The following SCYL2 variants were observed in gnomAD, a reference collection of about 807,000 sequenced individuals.
SCYL2 encodes the protein SCY1-like protein 2.
Under a neutral mutation model 100.4 loss-of-function variants are expected in SCYL2, and 36 were observed. That is an observed-to-expected ratio of 0.36 (90% CI 0.27 to 0.47). The LOEUF is 0.47. SCYL2 is among the 20% of genes least tolerant of loss of function. The pLI is 1.00. For synonymous variants in SCYL2, 330 were observed against 359.2 expected (o/e 0.92, Z 0.92); for missense variants, 902 against 1,083.9 (o/e 0.83, Z 2.36).
rs200641346 is a variant in SCYL2, at chr12:100,276,695, C to CT, written c.-28-6239dup. ...ACTGATTTCATTGATCTTTTCAAAA[C>CT]TTTTTTTTTACTTCATTGGATTTTT... is the stretch of plus-strand genomic sequence containing the variant. On this transcript the variant is annotated intron_variant, in intron 1 of 17. Transcript: ENST00000360820. Among the ~76,000 whole-genome samples the CT allele has an allele frequency of 2.4e-3, 357 of 151,402 alleles. 2 individuals are homozygous for CT. Among genetic ancestry groups the CT allele is most frequent in the Non-Finnish European group, 4.0e-3 (268 of 67,788 alleles).
At chr12:100,300,007 T>G (rs1235972636) in intron 4 of SCYL2, among the ~76,000 whole-genome samples, 1 of 152,212 alleles carries the variant, frequency 6.6e-6, no homozygotes, top group Non-Finnish European at 1.5e-5. Context: ...TTTTTTCACA[T>G]CTTTGCCAAA....
In SCYL2 at chr12:100,312,440, T is replaced by C. The variant is rs1217053515; in HGVS notation, c.639T>C (p.Phe213=). The C allele has an allele frequency of 6.8e-6, 11 of 1,611,104 alleles. No individual in the cohort carries two copies. The highest frequency in any genetic ancestry group is 9.3e-6 in the Non-Finnish European group (11 of 1,178,818). ...STNPSEQEPK[F]PCKEWDPNLP... ...TCCTTTTCTTACTACAGCCTAAATTTCCTTGTAAAGAATGGGACCCAAATT... is the reference window on the plus strand; with the variant it reads ...TCCTTTTCTTACTACAGCCTAAATTCCCTTGTAAAGAATGGGACCCAAATT... The change falls in exon 6 of 18, where the codon TTT becomes TTC. Residue 213 remains phenylalanine (F), a synonymous_variant. Coordinates refer to ENST00000360820, the MANE Select transcript of SCYL2 (RefSeq NM_017988.6).
chr12:100,275,019 C>A (rs1367698584), intron 1 of SCYL2, among the ~76,000 whole-genome samples: 1 of 152,156 alleles, frequency 6.6e-6, no homozygotes, highest in Non-Finnish European at 1.5e-5. Flanking sequence ...TCTTCCAATT[C>A]ATGATCACAG....
intron 4 of SCYL2, among the ~76,000 whole-genome samples, chr12:100,303,780 G>A (rs531262154): frequency 2.3e-4 from 35 of 152,338 alleles, no homozygotes; most frequent in Non-Finnish European, 4.7e-4. Context: ...AGCAGAGCTC[G>A]AGTGCTGTGC....
At chr12:100,275,194 C>G (rs2096291304) in intron 1 of SCYL2, among the ~76,000 whole-genome samples, 1 of 151,640 alleles carries the variant, frequency 6.6e-6, no homozygotes, top group South Asian at 2.1e-4. Flanking sequence ...CATAGAAATG[C>G]AATTTCTTTT....
chr12:100,305,010 C>T (rs752522518), intron 4 of SCYL2, among the ~76,000 whole-genome samples: 1 of 152,230 alleles, frequency 6.6e-6, no homozygotes, highest in East Asian at 1.9e-4. Flanking sequence ...AAAGCAAGTC[C>T]TTAGAGACCT....
chr12:100,273,832 C>T (rs1461653096), intron 1 of SCYL2, among the ~76,000 whole-genome samples: 1 of 152,212 alleles, frequency 6.6e-6, no homozygotes, highest in Non-Finnish European at 1.5e-5. Flanking sequence ...AGGACTGAGT[C>T]TGCTATTGGA....
intron 10 of SCYL2, among the ~76,000 whole-genome samples, chr12:100,322,701 A>G (rs1342801675): frequency 6.6e-6 from 1 of 152,052 alleles, no homozygotes; most frequent in East Asian, 1.9e-4. Flanking sequence ...TCTACTAAAA[A>G]TACAAAATAT....
rs1227857548 is a variant in SCYL2, at chr12:100,337,304, A to T, written c.2026-83A>T. The T allele has an allele frequency of 3.2e-6, 5 of 1,554,908 alleles. No homozygotes were observed. In the East Asian group the frequency reaches 6.8e-5, roughly 21 times the overall value. On this transcript the variant is annotated intron_variant, in intron 16 of 17. Coordinates refer to ENST00000360820, the MANE Select transcript of SCYL2 (RefSeq NM_017988.6). ...GCTTTTCAGTGAAGTAGTAAGATGT[A>T]CTTTACCCGAAGAGATTATCTTTTG...
At chr12:100,294,266 A>T (rs867778225) in intron 3 of SCYL2, among the ~76,000 whole-genome samples, 16 of 91,064 alleles carry the variant, frequency 1.8e-4, no homozygotes, top group East Asian at 1.3e-3. Context: ...CTGACCCCCC[A>T]ACCTCCCTCC....
intron 13 of SCYL2, among the ~76,000 whole-genome samples, chr12:100,332,796 C>T (rs910485167): frequency 2.6e-5 from 4 of 151,250 alleles, no homozygotes; most frequent in Admixed American, 1.3e-4. Context: ...CTCACTGCAG[C>T]GTTGACCTCC....
chr12:100,293,258 G>A (rs1219706959), intron 3 of SCYL2, among the ~76,000 whole-genome samples: 1 of 152,056 alleles, frequency 6.6e-6, no homozygotes, highest in Non-Finnish European at 1.5e-5. Flanking sequence ...CACCTGGCTT[G>A]CTCATATGTC....
At chr12:100,268,734 A>G (rs903894432) in intron 1 of SCYL2, among the ~76,000 whole-genome samples, 3 of 152,194 alleles carry the variant, frequency 2.0e-5, no homozygotes, top group Non-Finnish European at 4.4e-5. Context: ...TCATATTCAC[A>G]TGTTTGAAAT....
rs1376224911 is a variant in SCYL2 at position 100,341,422 on chromosome 12, A to G, written c.*2250A>G. On this transcript the variant is annotated 3_prime_UTR_variant, in exon 18 of 18. Transcript: ENST00000360820. ...CATCTGTCAACAGAATCTACAAAAA[A>G]GATTCCCTTGCATTTGAATTAGTTC... 6.6e-6 allele frequency: 1 copy of G among 152,196 alleles called. No individual in the cohort carries two copies. The highest frequency in any genetic ancestry group is 1.5e-5 in the Non-Finnish European group (1 of 68,008). 9.4% of individuals were successfully genotyped at this position (152,196 alleles called of 1,614,324 possible).
In SCYL2 at chr12:100,339,337, T is replaced by C; in HGVS notation, c.*165T>C. ...CCAGCATAGTAGTTGTATGGACTTC[T>C]AACCAGTTGAGTTTTTTAAAGCATT... On this transcript the variant is annotated 3_prime_UTR_variant, in exon 18 of 18. Coordinates refer to ENST00000360820, the MANE Select transcript of SCYL2 (RefSeq NM_017988.6). 1 of 683,080 alleles carries C rather than the reference T, an allele frequency of 1.5e-6. No homozygotes were observed. The allele number at this position is 683,080 out of a possible 1,614,324, so 42.3% of individuals were successfully genotyped here. A position where few individuals can be genotyped will look rare whatever the true frequency, so the allele number is the denominator to read the frequency against.
chr12:100,271,427 T>C (rs1418158125), intron 1 of SCYL2, among the ~76,000 whole-genome samples: 6 of 152,222 alleles, frequency 3.9e-5, no homozygotes, highest in African/African-American at 1.4e-4. Flanking sequence ...AATTCTTGAA[T>C]GTAATTCTTA....
intron 1 of SCYL2, among the ~76,000 whole-genome samples, chr12:100,272,782 C>T (rs2096288950): frequency 6.6e-6 from 1 of 152,092 alleles, no homozygotes; most frequent in African/African-American, 2.4e-5. Context: ...CCTTTCTTCT[C>T]CTTTCTCACT....
intron 1 of SCYL2, among the ~76,000 whole-genome samples, chr12:100,272,710 T>C (rs1353100450): frequency 6.6e-6 from 1 of 152,010 alleles, no homozygotes; most frequent in Non-Finnish European, 1.5e-5. Flanking sequence ...AAATTGGGGG[T>C]GGGGTAGGAT....
chr12:100,280,002 T>C (rs1456938605), intron 1 of SCYL2, among the ~76,000 whole-genome samples: 2 of 152,232 alleles, frequency 1.3e-5, no homozygotes, highest in Non-Finnish European at 2.9e-5. Flanking sequence ...CTCCAGCTTC[T>C]CAATTCAGCT....
Sources: gnomAD v4.1 joint callset for allele counts (sites outside exome capture counted in the v4.1 genomes callset) on GRCh38, gnomAD v4.1.1 for gene constraint, MANE v1.5 for transcripts, NCBI Gene and HGNC (gene_info 2026-07-23, HGNC 2026-07-21) for gene names.